PJA2: variants seen among roughly 807,000 people sequenced by gnomAD.
PJA2 encodes E3 ubiquitin-protein ligase Praja-2.
In PJA2, 25 loss-of-function variants were observed where a neutral mutation model predicts 69.3. The ratio of observed to expected loss-of-function variants is 0.36; its 90% CI spans 0.26 to 0.50. The LOEUF is 0.50. Ranked by LOEUF, PJA2 falls within the 20% of genes least tolerant of loss-of-function variation. The pLI is 0.96. For missense variants in PJA2, 809 were observed against 830.2 expected (o/e 0.97, Z 0.31); for synonymous variants, 308 against 277.8 (o/e 1.11, Z -1.08).
At chr5:109,371,902 A>G (rs1346642945) in intron 4 of PJA2, among the ~76,000 whole-genome samples, 4 of 152,208 alleles carry the variant, frequency 2.6e-5, no homozygotes, top group East Asian at 1.9e-4. Flanking sequence ...TTAGCCTCAC[A>G]TATCAGGTGA....
intron 1 of PJA2, among the ~76,000 whole-genome samples, chr5:109,400,499 G>A (rs1461284934): frequency 7.3e-6 from 1 of 137,354 alleles, no homozygotes; most frequent in African/African-American, 2.6e-5. Context: ...GGGGGGAAGG[G>A]CGGGGGGGTG....
At chr5:109,372,905 C>A (rs1341035163) in intron 4 of PJA2, among the ~76,000 whole-genome samples, 8 of 35,702 alleles carry the variant, frequency 2.2e-4, no homozygotes, top group East Asian at 2.1e-3. Context: ...CACTCCGTCT[C>A]AAAAAAAAAA....
intron 1 of PJA2, among the ~76,000 whole-genome samples, chr5:109,385,830 A>G (rs1214462128): frequency 6.6e-6 from 1 of 152,240 alleles, no homozygotes. Context: ...TTGCATATAC[A>G]TAATGAGATA....
chr5:109,392,244 G>A (rs916901394), intron 1 of PJA2, among the ~76,000 whole-genome samples: 2 of 152,038 alleles, frequency 1.3e-5, no homozygotes, highest in African/African-American at 2.4e-5. Flanking sequence ...GCAGACAAAT[G>A]TATCAATGGA....
chr5:109,400,128 A>G (rs2127017660), intron 1 of PJA2, among the ~76,000 whole-genome samples: 1 of 152,070 alleles, frequency 6.6e-6, no homozygotes, highest in South Asian at 2.1e-4. Flanking sequence ...GTCTCTACTA[A>G]AAATACAAAA....
chr5:109,394,087 G>T (rs1747349547), intron 1 of PJA2, among the ~76,000 whole-genome samples: 1 of 112,568 alleles, frequency 8.9e-6, no homozygotes, highest in Non-Finnish European at 1.7e-5. Context: ...TTACTCTGTT[G>T]CCCAAGCTGG....
intron 2 of PJA2, among the ~76,000 whole-genome samples, chr5:109,382,593 A>G (rs1747075850): frequency 1.3e-5 from 2 of 151,886 alleles, no homozygotes; most frequent in Non-Finnish European, 2.9e-5. Flanking sequence ...CATGCCTGTA[A>G]TCCCGGTACT....
At chr5:109,356,137 C>G in intron 6 of PJA2, 111 bp from the exon 7 acceptor site, 1 of 699,758 alleles carries the variant, frequency 1.4e-6, no homozygotes, top group South Asian at 1.8e-5. Context: ...ATGCTGTGAA[C>G]AGAAGACCTT....
chr5:109,390,499 G>A (rs1052403726), intron 1 of PJA2: 13 of 151,932 alleles, frequency 8.6e-5, no homozygotes, highest in Admixed American at 6.6e-4. Context: ...TAGAATATAG[G>A]TAGGTCTTAC....
At chr5:109,344,527 T>A (rs976227339) in intron 8 of PJA2, among the ~76,000 whole-genome samples, 178 bp downstream of exon 8, 3 of 152,262 alleles carry the variant, frequency 2.0e-5, no homozygotes, top group Non-Finnish European at 4.4e-5. Context: ...TGTCTCAGCC[T>A]ATCGCTTGAA....
At chr5:109,385,611 A>G (rs1199530043) in intron 1 of PJA2, among the ~76,000 whole-genome samples, 1 of 152,214 alleles carries the variant, frequency 6.6e-6, no homozygotes, top group African/African-American at 2.4e-5. Flanking sequence ...AGCTGTTAGT[A>G]TAATTTGGGA....
intron 1 of PJA2, among the ~76,000 whole-genome samples, chr5:109,396,574 G>A (rs1747417302): frequency 6.6e-6 from 1 of 151,348 alleles, no homozygotes; most frequent in African/African-American, 2.4e-5. Flanking sequence ...TTACAGGCAT[G>A]CGCCACCACG....
chr5:109,341,189 A>T (rs1479950967), intron 9 of PJA2, among the ~76,000 whole-genome samples: 9 of 123,362 alleles, frequency 7.3e-5, no homozygotes, highest in Non-Finnish European at 3.6e-5. Context: ...CCATCTAGGA[A>T]GTGAGGAGCG....
At chr5:109,385,432 G>A (rs993547923) in intron 1 of PJA2, among the ~76,000 whole-genome samples, 3 of 152,170 alleles carry the variant, frequency 2.0e-5, no homozygotes, top group Admixed American at 2.0e-4. Context: ...TACAGGCTGG[G>A]CAATGGGAAA....
chr5:109,386,264 A>C (rs560117177), intron 1 of PJA2, among the ~76,000 whole-genome samples: 1 of 152,348 alleles, frequency 6.6e-6, no homozygotes, highest in African/African-American at 2.4e-5. Flanking sequence ...AAGTGAAGAA[A>C]GTGTTTTAGG....
chr5:109,362,802 A>T, intron 6 of PJA2, 38 bp downstream of exon 6: 13 of 1,513,842 alleles, frequency 8.6e-6, no homozygotes, highest in Non-Finnish European at 1.2e-5. Context: ...ATGAACTCAG[A>T]GCCTAATTAA....
rs1747093470 is a variant in PJA2 at position 109,383,389 on chromosome 5, C to T, written c.31+14G>A. On this transcript the variant is annotated intron_variant, in intron 2 of 9. Coordinates refer to ENST00000361189, the MANE Select transcript of PJA2 (RefSeq NM_014819.5). Reference sequence around the variant, plus strand: ...ACAAGAAGTACTCAATGTAGAAGAACTGACTTTCCTTACCTGCTGGCTCCT... The same window carrying T: ...ACAAGAAGTACTCAATGTAGAAGAATTGACTTTCCTTACCTGCTGGCTCCT... 1 of 1,612,636 alleles carries T rather than the reference C, an allele frequency of 6.2e-7. No homozygotes were observed. Among genetic ancestry groups the T allele is most frequent in the African/African-American group, 1.3e-5 (1 of 75,032 alleles).
chr5:109,371,346 ATC>A (rs567938746), intron 4 of PJA2, among the ~76,000 whole-genome samples: 20 of 152,192 alleles, frequency 1.3e-4, no homozygotes, highest in Non-Finnish European at 2.6e-4. Flanking sequence ...TATAAAATTA[ATC>A]TGTCAGATGA....
chr5:109,375,267 T>C (rs1037557060), intron 4 of PJA2, among the ~76,000 whole-genome samples: 3 of 152,176 alleles, frequency 2.0e-5, no homozygotes, highest in Admixed American at 2.0e-4. Context: ...CTTGACACTC[T>C]GGGAGGCTGA....
Sources: allele counts gnomAD v4.1 joint callset (sites outside exome capture counted in the v4.1 genomes callset), GRCh38; gene constraint gnomAD v4.1.1; transcripts MANE v1.5; gene names NCBI Gene and HGNC (gene_info 2026-07-23, HGNC 2026-07-21).